Variants in PTPRN2 observed in about 807,000 individuals in gnomAD.
PTPRN2 encodes the protein protein tyrosine phosphatase receptor type N2.
Under a neutral mutation model 118.8 loss-of-function variants are expected in PTPRN2, and 74 were observed. That is an observed-to-expected ratio of 0.62 (90% CI 0.52 to 0.76). The LOEUF (loss-of-function observed/expected upper bound fraction) is 0.76. PTPRN2 is among the 30% of genes least tolerant of loss of function. PTPRN2 has a pLI of 0.00. For missense variants in PTPRN2, 1,481 were observed against 1,394.4 expected (o/e 1.06, Z -0.99); for synonymous variants, 641 against 608.0 (o/e 1.05, Z -0.80).
Position 158,280,406 on chromosome 7 carries a change from C to T in PTPRN2, c.277+36413G>A, listed in dbSNP as rs59291742. Reference sequence around the variant, plus strand: ...TGACACCGGCAGGGAGGGACAGCGACGAGGGCAGGAGCCGCGGCTCTACCT... The same window carrying T: ...TGACACCGGCAGGGAGGGACAGCGATGAGGGCAGGAGCCGCGGCTCTACCT... On this transcript the variant is annotated intron_variant, in intron 3 of 22. Coordinates refer to ENST00000389418, the MANE Select transcript of PTPRN2 (RefSeq NM_002847.5). Among the ~76,000 whole-genome samples, 913 of 152,268 alleles carry T rather than the reference C, an allele frequency of 6.0e-3. 11 individuals are homozygous for T. The highest frequency in any genetic ancestry group is 0.02 in the African/African-American group (850 of 41,564).
chr7:158,351,683 C>A (rs983974183), intron 2 of PTPRN2, among the ~76,000 whole-genome samples: 4 of 152,156 alleles, frequency 2.6e-5, no homozygotes, highest in Non-Finnish European at 4.4e-5. Context: ...CCTGCCCTGG[C>A]ATGCAGGCAG....
At chr7:158,569,153 T>C (rs966915484) in intron 1 of PTPRN2, among the ~76,000 whole-genome samples, 1 of 152,178 alleles carries the variant, frequency 6.6e-6, no homozygotes, top group African/African-American at 2.4e-5. Flanking sequence ...ACTGTACATG[T>C]ATGTATGTGA....
intron 3 of PTPRN2, among the ~76,000 whole-genome samples, chr7:158,213,362 A>C (rs1201849170): frequency 1.3e-5 from 2 of 152,094 alleles, no homozygotes; most frequent in African/African-American, 4.8e-5. Flanking sequence ...TTCACATGCA[A>C]ATCTAGATTT....
intron 2 of PTPRN2, among the ~76,000 whole-genome samples, chr7:158,341,539 G>C (rs28412053): frequency 4.3e-3 from 200 of 46,198 alleles, no homozygotes; most frequent in East Asian, 5.1e-3. Flanking sequence ...ACCATAAGAG[G>C]TGACATCTGC....
intron 11 of PTPRN2, among the ~76,000 whole-genome samples, chr7:157,978,961 G>C (rs1802941806): frequency 6.6e-6 from 1 of 152,048 alleles, no homozygotes; most frequent in African/African-American, 2.4e-5. Flanking sequence ...CCCAGCGGAA[G>C]GCCCAGAGGG....
chr7:157,568,251 C>T (rs904275114), intron 21 of PTPRN2, among the ~76,000 whole-genome samples: 6 of 152,132 alleles, frequency 3.9e-5, no homozygotes, highest in African/African-American at 1.4e-4. Context: ...ACGCCGTCTG[C>T]GCATGCTGCC....
At chr7:157,597,912 T>TGTTGAACAGAA (rs1801441737) in intron 16 of PTPRN2, among the ~76,000 whole-genome samples, 1 of 152,248 alleles carries the variant, frequency 6.6e-6, no homozygotes, top group Non-Finnish European at 1.5e-5. Flanking sequence ...TACATTCATT[T>TGTTGAACAGAA]AATTCCAGGC....
rs546991208 is a variant in PTPRN2 at position 158,037,132 on chromosome 7, A to G, written c.1723+44166T>C. 1.3e-4 allele frequency among the ~76,000 whole-genome samples: 20 copies of G among 152,378 alleles called. 1 individual carries two copies. Among genetic ancestry groups the G allele is most frequent in the African/African-American group, 4.1e-4 (17 of 41,582 alleles). On this transcript the variant is annotated intron_variant, in intron 11 of 22. Coordinates refer to ENST00000389418, the MANE Select transcript of PTPRN2 (RefSeq NM_002847.5). Reference sequence around the variant, plus strand: ...GAAATAGTTAGAAGTTAATTTAAAAATAATCCTGATCATGTTAAGCTACTT... The same window carrying G: ...GAAATAGTTAGAAGTTAATTTAAAAGTAATCCTGATCATGTTAAGCTACTT...
In PTPRN2 at chr7:158,468,880, C is replaced by A. The variant is rs75190456; in HGVS notation, c.163+20855G>T. Reference sequence around the variant, plus strand: ...AATCGATCAAGAGTATGCACACCCACACACACTCCTGGTCAATCAACAGTG... The same window carrying A: ...AATCGATCAAGAGTATGCACACCCAAACACACTCCTGGTCAATCAACAGTG... On this transcript the variant is annotated intron_variant, in intron 2 of 22. Transcript: ENST00000389418. Among the ~76,000 whole-genome samples, 5 of 152,036 alleles carry A rather than the reference C, an allele frequency of 3.3e-5. No homozygotes were observed. The East Asian group carries it at 9.7e-4, about 29-fold the overall frequency.
At chr7:158,268,205 C>T (rs555948072) in intron 3 of PTPRN2, among the ~76,000 whole-genome samples, 8 of 152,352 alleles carry the variant, frequency 5.3e-5, no homozygotes, top group South Asian at 2.1e-4. Context: ...ATCAGAGCCG[C>T]GGCCGCACGC....
intron 2 of PTPRN2, among the ~76,000 whole-genome samples, chr7:158,336,179 CAG>C (rs1483041047): frequency 2.5e-5 from 1 of 39,216 alleles, no homozygotes; most frequent in East Asian, 5.7e-4. Flanking sequence ...CTGTCGCCCG[CAG>C]AGGTCACTCA....
intron 1 of PTPRN2, among the ~76,000 whole-genome samples, chr7:158,549,591 C>T (rs1249536846): frequency 6.6e-6 from 1 of 152,264 alleles, no homozygotes; most frequent in Non-Finnish European, 1.5e-5. Context: ...TTCGCCTGAG[C>T]GCTCGCTAGG....
At chr7:157,757,446 T>TG in intron 12 of PTPRN2, among the ~76,000 whole-genome samples, 1 of 151,900 alleles carries the variant, frequency 6.6e-6, no homozygotes, top group South Asian at 2.1e-4. Flanking sequence ...CGGCGGCCGG[T>TG]GGGGACAAGG....
chr7:158,544,680 A>G lies in PTPRN2; in HGVS notation c.112+42878T>C, dbSNP rs537400788. On this transcript the variant is annotated intron_variant, in intron 1 of 22. Transcript: ENST00000389418. The surrounding 1 kb of genome is among the most constrained non-coding windows in gnomAD (Gnocchi z 4.2). ...ATGAGATTTTTTTGCAATTTTTTAA[A>G]GCTCATAAGCTATCACTGTGTGAGT... 8.5e-5 allele frequency among the ~76,000 whole-genome samples: 13 copies of G among 152,168 alleles called. No homozygotes were observed. The highest frequency in any genetic ancestry group is 1.9e-4 in the Non-Finnish European group (13 of 68,028).
chr7:158,557,878 C>A (rs1471326756), intron 1 of PTPRN2, among the ~76,000 whole-genome samples: 1 of 152,214 alleles, frequency 6.6e-6, no homozygotes, highest in Admixed American at 6.5e-5. Flanking sequence ...CGCCCTCTTC[C>A]CAGCATTCCC....
At chr7:158,502,957 T>TACTGTGTCCATCAGCC (rs1354396106) in intron 1 of PTPRN2, among the ~76,000 whole-genome samples, 6 of 111,714 alleles carry the variant, frequency 5.4e-5, no homozygotes, top group Admixed American at 2.0e-4. Context: ...GTCCATCAAC[T>TACTGTGTCCATCAGCC]ACTGTGTCCA....
intron 11 of PTPRN2, among the ~76,000 whole-genome samples, chr7:158,060,797 T>C (rs1670962147): frequency 6.6e-6 from 1 of 152,222 alleles, no homozygotes; most frequent in Admixed American, 6.5e-5. Flanking sequence ...AAGCGATGAA[T>C]GGCATGGAAA....
In PTPRN2 at chr7:158,525,983, G is replaced by A. The variant is rs193090784; in HGVS notation, c.113-36198C>T. ...GCCGACAATGCCCCCCCATTGACTC[G>A]GCTCTCTGCAGACCTGCAGACCTGC... On this transcript the variant is annotated intron_variant, in intron 1 of 22. Coordinates refer to ENST00000389418, the MANE Select transcript of PTPRN2 (RefSeq NM_002847.5). The surrounding 1 kb of genome is among the most constrained non-coding windows in gnomAD (Gnocchi z 4.1). 2.4e-3 allele frequency among the ~76,000 whole-genome samples: 373 copies of A among 152,290 alleles called. 4 individuals are homozygous for A. The highest frequency in any genetic ancestry group is 2.9e-3 in the Non-Finnish European group (199 of 68,024).
At chr7:157,722,964 C>T (rs73516869) in intron 12 of PTPRN2, among the ~76,000 whole-genome samples, 5,112 of 152,284 alleles carry the variant, frequency 0.034, 272 homozygotes, top group African/African-American at 0.12. Context: ...CAGGGCAGGG[C>T]GATGCATTTT....
Sources: gnomAD v4.1 joint callset for allele counts (sites outside exome capture counted in the v4.1 genomes callset) on GRCh38, gnomAD v4.1.1 for gene constraint, Gnocchi (gnomAD v3.1) non-coding constraint, MANE v1.5 for transcripts, NCBI Gene and HGNC (gene_info 2026-07-23, HGNC 2026-07-21) for gene names.